The following MYLK variants were observed in gnomAD, a reference collection of about 807,000 sequenced individuals.
MYLK encodes myosin light chain kinase, smooth muscle.
Under a neutral mutation model 203.4 loss-of-function variants are expected in MYLK, and 106 were observed. The ratio of observed to expected loss-of-function variants is 0.52; its 90% CI spans 0.45 to 0.61. The LOEUF is 0.61. MYLK is among the 20% of genes least tolerant of loss of function. MYLK has a pLI of 0.00. For missense variants in MYLK, 2,072 were observed against 2,442.3 expected, an observed-to-expected ratio of 0.85 and a Z score of 3.20; for synonymous variants, 867 against 959.5, an observed-to-expected ratio of 0.90 and a Z score of 1.78.
intron 1 of MYLK, among the ~76,000 whole-genome samples, chr3:123,879,260 A>G (rs1175767800): frequency 1.3e-5 from 2 of 152,154 alleles, no homozygotes; most frequent in Admixed American, 1.3e-4. Context: ...CAGCAGAGGG[A>G]AAACAAGGCC....
chr3:123,707,644 T>C, intron 16 of MYLK, 110 bp downstream of exon 16: 5 of 1,564,738 alleles, frequency 3.2e-6, no homozygotes, highest in Non-Finnish European at 4.4e-6. Flanking sequence ...TACCTGGAAG[T>C]CCAAGCCCCA....
intron 27 of MYLK, among the ~76,000 whole-genome samples, chr3:123,643,119 C>A (rs1560006499): frequency 6.6e-6 from 1 of 152,220 alleles, no homozygotes; most frequent in African/African-American, 2.4e-5. Context: ...ACTGGGCATC[C>A]ATGGCCTTAT....
intron 3 of MYLK, among the ~76,000 whole-genome samples, chr3:123,797,872 G>T (rs900940020): frequency 4.6e-5 from 7 of 152,196 alleles, no homozygotes; most frequent in African/African-American, 1.2e-4. Context: ...TTCCCAAAGG[G>T]ATGCCCGTCT....
intron 18 of MYLK, among the ~76,000 whole-genome samples, chr3:123,694,336 T>C (rs1296828010): frequency 1.3e-5 from 2 of 152,148 alleles, no homozygotes; most frequent in Non-Finnish European, 2.9e-5. Flanking sequence ...GTAGAAACTG[T>C]AATGGAGAGG....
chr3:123,702,508 G>A (rs2061282321), intron 16 of MYLK, among the ~76,000 whole-genome samples: 1 of 152,104 alleles, frequency 6.6e-6, no homozygotes, highest in African/African-American at 2.4e-5. Context: ...GGACCCTCAG[G>A]GTCTCTGACA....
At chr3:123,682,133 C>T (rs1485788128) in intron 20 of MYLK, 91 bp downstream of exon 20, 1 of 982,984 alleles carries the variant, frequency 1.0e-6, no homozygotes, top group Admixed American at 2.0e-5. Context: ...GAGTGAGTGA[C>T]CAGAAAGTGG....
intron 14 of MYLK, chr3:123,709,429 C>G (rs1158765588): frequency 2.3e-5 from 8 of 353,956 alleles, no homozygotes; most frequent in Middle Eastern, 9.9e-4. Flanking sequence ...CGTGAGCCAC[C>G]GTGCCCGGCC....
chr3:123,855,305 G>A (rs1424759340), intron 2 of MYLK, among the ~76,000 whole-genome samples: 7 of 151,884 alleles, frequency 4.6e-5, no homozygotes, highest in African/African-American at 7.3e-5. Context: ...TTTCTGTGCC[G>A]CAGCCAGGCT....
chr3:123,855,598 T>C (rs1257992439), intron 2 of MYLK, among the ~76,000 whole-genome samples: 2 of 152,040 alleles, frequency 1.3e-5, no homozygotes, highest in African/African-American at 2.4e-5. Context: ...ATGATTGTGC[T>C]ACTCTGCTCT....
chr3:123,658,085 G>C (rs2059446860), intron 23 of MYLK, among the ~76,000 whole-genome samples: 1 of 152,246 alleles, frequency 6.6e-6, no homozygotes, highest in Admixed American at 6.5e-5. Context: ...GAAATTCTTA[G>C]AAGAGTGGCT....
Position 123,629,813 on chromosome 3 carries a change from T to A in MYLK, c.4962-187A>T, listed in dbSNP as rs151291675. ...GAGGGTGTGGTTCACAGCCCTGTCT[T>A]TTCTTGGTCACCTGCCTCTTGACAC... On this transcript the variant is annotated intron_variant, in intron 29 of 33. Coordinates refer to ENST00000360304, the MANE Select transcript of MYLK (RefSeq NM_053025.4). The surrounding 1 kb of genome is among the most constrained non-coding windows in gnomAD (Gnocchi z 4.4). The A allele has an allele frequency of 1.3e-4, 80 of 624,536 alleles. No individual in the cohort carries two copies. Among genetic ancestry groups the A allele is most frequent in the African/African-American group, 1.2e-3 (66 of 54,496 alleles). 38.7% of individuals were successfully genotyped at this position (624,536 alleles called of 1,614,324 possible). A position where few individuals can be genotyped will look rare whatever the true frequency, so the allele number is the denominator to read the frequency against.
At chr3:123,712,040 G>A (rs565897391) in intron 13 of MYLK, among the ~76,000 whole-genome samples, 1 of 152,364 alleles carries the variant, frequency 6.6e-6, no homozygotes, top group African/African-American at 2.4e-5. Flanking sequence ...AGCAGGTGCA[G>A]TTGAAGGGCA....
At chr3:123,821,901 T>C (rs185630882) in intron 3 of MYLK, among the ~76,000 whole-genome samples, 41 of 152,338 alleles carry the variant, frequency 2.7e-4, no homozygotes, top group Admixed American at 2.2e-3. Flanking sequence ...TTTGGAAACT[T>C]GACTCCCACT....
Position 123,831,625 on chromosome 3 carries a change from G to A in MYLK, c.-81C>T, listed in dbSNP as rs2066331304. On this transcript the variant is annotated 5_prime_UTR_variant, in exon 3 of 34. Coordinates refer to ENST00000360304, the MANE Select transcript of MYLK (RefSeq NM_053025.4). ...GCGTCCTGAAGCTCTCGGCTGGGAA[G>A]CTCCTGAAGTTGCTCTGAACTGCAG... 1 of 291,518 alleles carries A rather than the reference G, an allele frequency of 3.4e-6. No homozygotes were observed. Among genetic ancestry groups the A allele is most frequent in the African/African-American group, 2.2e-5 (1 of 45,554 alleles). 18.1% of individuals were successfully genotyped at this position (291,518 alleles called of 1,614,324 possible). A position where few individuals can be genotyped will look rare whatever the true frequency, so the allele number is the denominator to read the frequency against.
intron 3 of MYLK, among the ~76,000 whole-genome samples, chr3:123,824,310 G>C (rs922564832): frequency 6.6e-6 from 1 of 152,066 alleles, no homozygotes; most frequent in African/African-American, 2.4e-5. Flanking sequence ...GGCTGGTCTC[G>C]AACTCCTGAC....
chr3:123,637,308 G>A (rs2058677251), intron 29 of MYLK, among the ~76,000 whole-genome samples: 1 of 152,064 alleles, frequency 6.6e-6, no homozygotes, highest in Non-Finnish European at 1.5e-5. Flanking sequence ...GAGCGCAGTC[G>A]TTGAACCAGC....
chr3:123,635,058 C>A (rs1316941404), intron 29 of MYLK, among the ~76,000 whole-genome samples: 3 of 152,228 alleles, frequency 2.0e-5, no homozygotes, highest in Non-Finnish European at 2.9e-5. Flanking sequence ...AAAGTCACAT[C>A]GTCCTATGGT....
At chr3:123,763,960 T>A (rs1254865092) in intron 4 of MYLK, among the ~76,000 whole-genome samples, 4 of 152,262 alleles carry the variant, frequency 2.6e-5, no homozygotes. Context: ...TAGACTGACC[T>A]ACATTTCTTT....
At chr3:123,783,909 C>T (rs2064398336) in intron 4 of MYLK, among the ~76,000 whole-genome samples, 1 of 152,206 alleles carries the variant, frequency 6.6e-6, no homozygotes, top group South Asian at 2.1e-4. Context: ...TCTTCCTGGC[C>T]TTGACTTGAT....
Sources: gnomAD v4.1 joint callset for allele counts (sites outside exome capture counted in the v4.1 genomes callset) on GRCh38, gnomAD v4.1.1 for gene constraint, Gnocchi (gnomAD v3.1) non-coding constraint, MANE v1.5 for transcripts, NCBI Gene and HGNC (gene_info 2026-07-23, HGNC 2026-07-21) for gene names.